CDKL5: variants seen among roughly 807,000 people sequenced by gnomAD.
CDKL5 encodes the protein cyclin dependent kinase like 5.
In CDKL5, 8 loss-of-function variants were observed where a neutral mutation model predicts 61.7. The ratio of observed to expected loss-of-function variants is 0.13; its 90% CI spans 0.08 to 0.23. The LOEUF is 0.23. Among genes scored for constraint, CDKL5 ranks in the 10% least tolerant of loss-of-function variants. The pLI is 1.00. For synonymous variants in CDKL5, 275 were observed against 272.3 expected (o/e 1.01, Z -0.10); for missense variants, 440 against 734.5 (o/e 0.60, Z 4.63).
intron 1 of CDKL5, among the ~76,000 whole-genome samples, chrX:18,494,013 C>G (rs891457665): frequency 9.0e-6 from 1 of 111,187 alleles, no homozygotes; most frequent in Non-Finnish European, 1.9e-5. Flanking sequence ...TTCCTGTGTT[C>G]AAATGATTCT....
intron 14 of CDKL5, among the ~76,000 whole-genome samples, chrX:18,612,132 TTA>T (rs1378761409): frequency 1.8e-5 from 2 of 112,128 alleles, no homozygotes; most frequent in African/African-American, 6.5e-5. Flanking sequence ...CATTTAGAAT[TTA>T]GAGAAAAATA....
intron 3 of CDKL5, among the ~76,000 whole-genome samples, chrX:18,562,637 T>C (rs1924841986): frequency 8.9e-6 from 1 of 112,260 alleles, no homozygotes; most frequent in African/African-American, 3.2e-5. Context: ...TGAATACATG[T>C]GAAATGTTAA....
At chrX:18,586,854 G>C (rs1343963322) in intron 8 of CDKL5, among the ~76,000 whole-genome samples, 1 of 111,545 alleles carries the variant, frequency 9.0e-6, no homozygotes, top group Non-Finnish European at 1.9e-5. Flanking sequence ...ACGAAAGAAA[G>C]ATCAGTATCT....
At chrX:18,445,368 G>A (rs751865105) in intron 1 of CDKL5, among the ~76,000 whole-genome samples, 6 of 111,611 alleles carry the variant, frequency 5.4e-5, no homozygotes, top group South Asian at 7.5e-4. Context: ...ATGAGCCACC[G>A]CATCCAGCCT....
At position 18,604,564 on chromosome X, in the gene CDKL5, G is replaced by A; in HGVS notation, c.1640G>A (p.Arg547Lys). ...AGAACTTTGCTCAGCCCTTCTGGAA[G>A]AAATAACCGAAATGAGGGAACGCTG... Reference protein sequence around the residue: ...DTRTLLSPSGRNNRNEGTLDS... With the variant: ...DTRTLLSPSGKNNRNEGTLDS... Residue 547 changes from arginine (R) to lysine (K), a missense_variant, in exon 12 of 18, where the codon AGA (arginine) becomes AAA (lysine). Transcript: ENST00000623535. 1 of 1,211,608 alleles carries A rather than the reference G, an allele frequency of 8.3e-7. No homozygotes were observed. The highest frequency in any genetic ancestry group is 1.1e-6 in the Non-Finnish European group (1 of 895,422).
At chrX:18,509,197 G>GCACGCGCGCGCGCGCACACACACACA (rs1204561636) in intron 2 of CDKL5, among the ~76,000 whole-genome samples, 6 of 64,308 alleles carry the variant, frequency 9.3e-5, no homozygotes, top group East Asian at 1.4e-3. Flanking sequence ...CTCAAAACAC[G>GCACGCGCGCGCGCGCACACACACACA]CACACACACA....
At chrX:18,578,287 T>A (rs892876351) in intron 5 of CDKL5, among the ~76,000 whole-genome samples, 6 of 112,371 alleles carry the variant, frequency 5.3e-5, no homozygotes, top group East Asian at 5.5e-4. Context: ...ACTCTTTTTT[T>A]AAAAAAACAT....
chrX:18,469,639 ACT>A lies in CDKL5; in HGVS notation c.-162-37293_-162-37292del, dbSNP rs1238762590. 4.8e-5 allele frequency among the ~76,000 whole-genome samples: 5 copies of A among 104,770 alleles called. No individual in the cohort carries two copies. In the East Asian group the frequency reaches 9.5e-4, roughly 20 times the overall value. The allele number at this position is 104,770 out of a possible 115,157, so 91.0% of individuals were successfully genotyped here. On this transcript the variant is annotated intron_variant, in intron 1 of 17. Transcript: ENST00000623535. ...CTCCAGCCTGGGCAATGAGAGCAAA[ACT>A]CTGTCTCAAAAAAAAAAAAAAAAAA... is the stretch of plus-strand genomic sequence containing the variant.
rs1273870820 is a variant in CDKL5 at position 18,631,523 on chromosome X, T to C, written c.*2766T>C. 2.7e-6 allele frequency: 2 copies of C among 752,997 alleles called. No homozygotes were observed. Among genetic ancestry groups the C allele is most frequent in the Non-Finnish European group, 3.1e-6 (2 of 639,157 alleles). 62.1% of individuals were successfully genotyped at this position (752,997 alleles called of 1,213,427 possible). The stretch of plus-strand genomic sequence containing the variant: ...TGAAAAATTACTGACATCACAAAGA[T>C]TGCCATCCATGGTAGAAAGGACTTG... On this transcript the variant is annotated 3_prime_UTR_variant, in exon 18 of 18. Transcript: ENST00000623535.
At chrX:18,644,522 T>C, downstream of CDKL5, 1 of 1,211,506 alleles carries the variant, frequency 8.3e-7, no homozygotes, top group Non-Finnish European at 1.1e-6. Flanking sequence ...CACTCATCGA[T>C]GTCACAGCGC....
chrX:18,594,236 A>G (rs1372401659), intron 9 of CDKL5, among the ~76,000 whole-genome samples: 1 of 112,180 alleles, frequency 8.9e-6, no homozygotes, highest in African/African-American at 3.2e-5. Flanking sequence ...TAGCCCTGAC[A>G]TTTGGAAGGG....
intron 4 of CDKL5, among the ~76,000 whole-genome samples, chrX:18,570,885 G>A (rs980445089): frequency 9.0e-6 from 1 of 111,362 alleles, no homozygotes; most frequent in African/African-American, 3.3e-5. Context: ...GACAGTTTTT[G>A]GGTTGTTTTT....
At chrX:18,490,317 G>C (rs1376979684) in intron 1 of CDKL5, among the ~76,000 whole-genome samples, 1 of 111,661 alleles carries the variant, frequency 9.0e-6, no homozygotes, top group African/African-American at 3.3e-5. Context: ...TGAATAGCCT[G>C]GGGACCTGGG....
Position 18,629,699 on chromosome X carries a change from A to C in CDKL5, c.*942A>C. 1.3e-6 allele frequency: 1 copy of C among 753,774 alleles called. No individual in the cohort carries two copies. The highest frequency in any genetic ancestry group is 1.6e-6 in the Non-Finnish European group (1 of 639,135). The allele number at this position is 753,774 out of a possible 1,213,427, so 62.1% of individuals were successfully genotyped here. ...CAGACGAGATGCAGCATCTCTTTCCAAACCTGCAGGGGAAGAAAGTCAGAT... is the reference window on the plus strand; with the variant it reads ...CAGACGAGATGCAGCATCTCTTTCCCAACCTGCAGGGGAAGAAAGTCAGAT... On this transcript the variant is annotated 3_prime_UTR_variant, in exon 18 of 18. Coordinates refer to ENST00000623535, the MANE Select transcript of CDKL5 (RefSeq NM_001323289.2).
chrX:18,611,292 G>A (rs183640875), intron 14 of CDKL5, among the ~76,000 whole-genome samples: 217 of 110,026 alleles, frequency 2.0e-3, no homozygotes, highest in African/African-American at 4.7e-3. Flanking sequence ...TAAAATAGCC[G>A]GGTGTGGTGG....
At position 18,635,634 on chromosome X, in the gene CDKL5, G is replaced by A. The variant is rs1022985697; in HGVS notation, c.*6877G>A. The A allele has an allele frequency of 1.2e-4, 92 of 749,967 alleles. No individual in the cohort carries two copies. The highest frequency in any genetic ancestry group is 1.4e-4 in the Non-Finnish European group (86 of 636,682). 61.8% of individuals were successfully genotyped at this position (749,967 alleles called of 1,213,427 possible). On this transcript the variant is annotated 3_prime_UTR_variant, in exon 18 of 18. Transcript: ENST00000623535. ...ATTTATAAAGCTTTTTTCCCCTTAC[G>A]GCATTTTGAAAACTTTGGTTTGTTT... is the stretch of plus-strand genomic sequence containing the variant.
chrX:18,607,163 G>T (rs940468510), intron 12 of CDKL5, among the ~76,000 whole-genome samples: 1 of 111,456 alleles, frequency 9.0e-6, no homozygotes, highest in African/African-American at 3.3e-5. Context: ...TTGCGGACAT[G>T]TTGAATTTGA....
chrX:18,444,798 C>T (rs1003078585), intron 1 of CDKL5, among the ~76,000 whole-genome samples: 4 of 112,160 alleles, frequency 3.6e-5, no homozygotes, highest in Admixed American at 9.5e-5. Context: ...GGAATGAAAT[C>T]TCCCATTTGG....
chrX:18,430,580 A>G (rs994296191), intron 1 of CDKL5, among the ~76,000 whole-genome samples: 4 of 111,092 alleles, frequency 3.6e-5, no homozygotes, highest in African/African-American at 1.3e-4. Context: ...AGTAGCTGGG[A>G]TTACAGGTGC....
Sources: allele counts gnomAD v4.1 joint callset (sites outside exome capture counted in the v4.1 genomes callset), GRCh38; gene constraint gnomAD v4.1.1; transcripts MANE v1.5; gene names NCBI Gene and HGNC (gene_info 2026-07-23, HGNC 2026-07-21).